SPAG16: variants seen among roughly 807,000 people sequenced by gnomAD.
SPAG16 encodes the protein sperm-associated antigen 16 protein.
SPAG16 carries 86 observed loss-of-function variants against 80.4 expected under a neutral mutation model. That is an observed-to-expected ratio of 1.07 (90% confidence interval 0.90 to 1.28). The LOEUF is 1.28. SPAG16 is among the 50% of genes most tolerant of loss of function. The pLI is 0.00. For synonymous variants in SPAG16, 294 were observed against 265.9 expected (o/e 1.11, Z -1.03); for missense variants, 870 against 765.3 (o/e 1.14, Z -1.61).
In SPAG16 at chr2:214,338,617, C is replaced by A. The variant is rs370288591; in HGVS notation, c.1721-71523C>A. Reference sequence around the variant, plus strand: ...TTTCTCTCTCTTCTGTTGATTCTCTCTGGGACCTTTATTATCAACATAGCT... The same window carrying A: ...TTTCTCTCTCTTCTGTTGATTCTCTATGGGACCTTTATTATCAACATAGCT... On this transcript the variant is annotated intron_variant, in intron 15 of 15. Coordinates refer to ENST00000331683, the MANE Select transcript of SPAG16 (RefSeq NM_024532.5). Among the ~76,000 whole-genome samples, 38 of 152,316 alleles carry A rather than the reference C, an allele frequency of 2.5e-4. No individual in the cohort carries two copies. In the East Asian group the frequency reaches 6.4e-3, roughly 25 times the overall value.
At chr2:213,385,148 A>G (rs1049046595) in intron 9 of SPAG16, among the ~76,000 whole-genome samples, 1 of 152,158 alleles carries the variant, frequency 6.6e-6, no homozygotes, top group African/African-American at 2.4e-5. Flanking sequence ...TCCGGTGGAC[A>G]TGGTTATCTC....
chr2:213,396,700 C>T (rs1173465177), intron 9 of SPAG16: 1 of 452,542 alleles, frequency 2.2e-6, no homozygotes, highest in Non-Finnish European at 4.4e-6. Flanking sequence ...TAAGACTGCC[C>T]ATCTTCAGGA....
chr2:214,195,488 G>A (rs2057806533), intron 15 of SPAG16, among the ~76,000 whole-genome samples: 1 of 152,012 alleles, frequency 6.6e-6, no homozygotes, highest in Non-Finnish European at 1.5e-5. Context: ...TAATAGAAGT[G>A]CAAGATTGAA....
chr2:214,048,559 G>C (rs752822778), intron 13 of SPAG16, among the ~76,000 whole-genome samples: 4 of 151,966 alleles, frequency 2.6e-5, no homozygotes, highest in Admixed American at 6.6e-5. Context: ...GACTAGGAAG[G>C]GGGTAGTAGA....
At chr2:213,920,837 G>A (rs2078187681) in intron 11 of SPAG16, among the ~76,000 whole-genome samples, 1 of 152,192 alleles carries the variant, frequency 6.6e-6, no homozygotes, top group African/African-American at 2.4e-5. Context: ...GAGTGCTTAG[G>A]CACCAAATCC....
chr2:213,744,581 G>A (rs1444060255), intron 10 of SPAG16, among the ~76,000 whole-genome samples: 1 of 152,124 alleles, frequency 6.6e-6, no homozygotes, highest in Non-Finnish European at 1.5e-5. Flanking sequence ...TCTGACAATG[G>A]AATCATCCAT....
chr2:213,346,393 C>T (rs144792418), intron 6 of SPAG16, among the ~76,000 whole-genome samples: 163 of 152,244 alleles, frequency 1.1e-3, no homozygotes, highest in Middle Eastern at 6.8e-3. Flanking sequence ...TGCCTGATTG[C>T]CCTGGCCAGA....
chr2:213,389,885 A>G (rs1163162346), intron 9 of SPAG16, among the ~76,000 whole-genome samples: 1 of 152,208 alleles, frequency 6.6e-6, no homozygotes, highest in Non-Finnish European at 1.5e-5. Flanking sequence ...ACTTCTGCCT[A>G]TATACACAAA....
At chr2:213,873,518 C>A (rs2076028881) in intron 11 of SPAG16, among the ~76,000 whole-genome samples, 1 of 151,150 alleles carries the variant, frequency 6.6e-6, no homozygotes, top group Admixed American at 6.6e-5. Flanking sequence ...ATATTATTTT[C>A]TTCTGCTTGA....
At chr2:214,054,422 G>T (rs938424476) in intron 13 of SPAG16, among the ~76,000 whole-genome samples, 10 of 152,106 alleles carry the variant, frequency 6.6e-5, no homozygotes, top group Non-Finnish European at 1.3e-4. Context: ...TTATCCAATT[G>T]TTCTTATCAG....
intron 9 of SPAG16, among the ~76,000 whole-genome samples, chr2:213,405,512 A>G (rs1312761448): frequency 6.6e-6 from 1 of 152,194 alleles, no homozygotes; most frequent in Non-Finnish European, 1.5e-5. Context: ...TTATTTTGAA[A>G]TATACAATAA....
intron 10 of SPAG16, among the ~76,000 whole-genome samples, chr2:213,659,340 A>G (rs1046160362): frequency 2.6e-5 from 4 of 152,012 alleles, no homozygotes; most frequent in African/African-American, 9.7e-5. Flanking sequence ...CTTAAAAAAA[A>G]AAAAAAAGAA....
At chr2:214,309,497 C>T (rs1302905362) in intron 15 of SPAG16, among the ~76,000 whole-genome samples, 1 of 151,962 alleles carries the variant, frequency 6.6e-6, no homozygotes, top group African/African-American at 2.4e-5. Context: ...TATTCTTGTG[C>T]TGATTCTTTC....
At chr2:213,804,014 T>C (rs2071582999) in intron 10 of SPAG16, among the ~76,000 whole-genome samples, 1 of 152,234 alleles carries the variant, frequency 6.6e-6, no homozygotes, top group South Asian at 2.1e-4. Context: ...GCTTTTCCTC[T>C]TTCCAGCCTC....
intron 10 of SPAG16, among the ~76,000 whole-genome samples, chr2:213,500,471 C>T (rs542982911): frequency 6.8e-4 from 103 of 152,234 alleles, no homozygotes; most frequent in African/African-American, 2.4e-3. Context: ...GGTCTTGAAT[C>T]GAGAAAAACC....
chr2:213,904,072 C>A (rs922683055), intron 11 of SPAG16, among the ~76,000 whole-genome samples: 1 of 152,162 alleles, frequency 6.6e-6, no homozygotes, highest in Non-Finnish European at 1.5e-5. Flanking sequence ...CCATTCAAGT[C>A]TCTGGGAAGT....
chr2:213,293,018 T>G (rs1196856216), intron 1 of SPAG16, among the ~76,000 whole-genome samples: 1 of 152,166 alleles, frequency 6.6e-6, no homozygotes, highest in South Asian at 2.1e-4. Flanking sequence ...CACCTTGAAT[T>G]GTAATAATCC....
At chr2:213,589,484 T>G (rs2060601880) in intron 10 of SPAG16, among the ~76,000 whole-genome samples, 1 of 152,236 alleles carries the variant, frequency 6.6e-6, no homozygotes, top group South Asian at 2.1e-4. Context: ...CCAGATTTTA[T>G]AATACAAATT....
intron 10 of SPAG16, among the ~76,000 whole-genome samples, chr2:213,622,012 G>A (rs2061805620): frequency 6.6e-6 from 1 of 152,082 alleles, no homozygotes; most frequent in Non-Finnish European, 1.5e-5. Context: ...TAAGGTTGCT[G>A]GAGCCCAGTC....
Sources: gnomAD v4.1 joint callset for allele counts (sites outside exome capture counted in the v4.1 genomes callset) on GRCh38, gnomAD v4.1.1 for gene constraint, MANE v1.5 for transcripts, NCBI Gene and HGNC (gene_info 2026-07-23, HGNC 2026-07-21) for gene names.